SLC5A1: variants seen among roughly 807,000 people sequenced by gnomAD.
SLC5A1 encodes the protein sodium/glucose cotransporter 1.
A neutral mutation model predicts 73.5 loss-of-function variants in SLC5A1; 42 were observed. That is an observed-to-expected ratio of 0.57 (90% CI 0.45 to 0.74). The LOEUF is 0.74. Among genes scored for constraint, SLC5A1 ranks in the 30% least tolerant of loss-of-function variants. The probability of loss-of-function intolerance (pLI) is 0.00; values close to 1 mark genes in which losing one functional copy is unlikely to be tolerated. For synonymous variants in SLC5A1, 300 were observed against 317.4 expected (o/e 0.95, Z 0.58); for missense variants, 634 against 855.4 (o/e 0.74, Z 3.23).
At chr22:32,084,387 T>A in intron 7 of SLC5A1, 52 bp from the exon 8 acceptor site, 1 of 1,504,924 alleles carries the variant, frequency 6.6e-7, no homozygotes, top group Non-Finnish European at 9.2e-7. Context: ...AAGAAGCTGC[T>A]ATGACGAGTT....
chr22:32,084,374 G>A, intron 7 of SLC5A1, 65 bp from the exon 8 acceptor site: 1 of 1,434,686 alleles, frequency 7.0e-7, no homozygotes, highest in Non-Finnish European at 9.8e-7. Context: ...AGGCATCTAT[G>A]GAAAGAAGCT....
chr22:32,103,854 A>G (rs938078691), intron 13 of SLC5A1, among the ~76,000 whole-genome samples: 21 of 152,210 alleles, frequency 1.4e-4, no homozygotes, highest in Admixed American at 3.3e-4. Context: ...AGATGCCCCC[A>G]TTGGTTTAGA....
In SLC5A1 at chr22:32,064,664, A is replaced by G. The variant is rs73884269; in HGVS notation, c.208-2271A>G. 9.3e-3 allele frequency among the ~76,000 whole-genome samples: 1,412 copies of G among 152,150 alleles called. 26 individuals are homozygous for G. The highest frequency in any genetic ancestry group is 0.032 in the African/African-American group (1,323 of 41,502). ...GTTACCTTTGATTATTCTGTCCCAC[A>G]TTTCCCACATCTAACCTATCAACAG... is the stretch of plus-strand genomic sequence containing the variant. On this transcript the variant is annotated intron_variant, in intron 2 of 14. Transcript: ENST00000266088.
intron 1 of SLC5A1, among the ~76,000 whole-genome samples, chr22:32,047,214 T>A (rs1041466923): frequency 1.3e-5 from 2 of 152,104 alleles, no homozygotes; most frequent in Non-Finnish European, 2.9e-5. Flanking sequence ...GGATCTGGGC[T>A]TGCATAGATG....
At chr22:32,059,182 G>C in intron 2 of SLC5A1, 1 of 985,056 alleles carries the variant, frequency 1.0e-6, no homozygotes, top group Non-Finnish European at 1.2e-6. Flanking sequence ...AGTGAGCCGA[G>C]ATCATGCCAC....
At chr22:32,085,126 T>A in intron 9 of SLC5A1, 91 bp downstream of exon 9, 1 of 1,497,752 alleles carries the variant, frequency 6.7e-7, no homozygotes, top group Non-Finnish European at 9.3e-7. Flanking sequence ...TTCCTCCTCT[T>A]TTTTTTTGAG....
At chr22:32,070,024 T>C (rs940614451) in intron 5 of SLC5A1, among the ~76,000 whole-genome samples, 2 of 152,150 alleles carry the variant, frequency 1.3e-5, no homozygotes, top group Middle Eastern at 3.4e-3. Context: ...ATGTTTACTC[T>C]TTCTGAACCC....
chr22:32,078,146 CAT>C (rs1268344307), intron 5 of SLC5A1, among the ~76,000 whole-genome samples: 4 of 152,144 alleles, frequency 2.6e-5, no homozygotes, highest in African/African-American at 9.7e-5. Flanking sequence ...TAACTGTTGA[CAT>C]ATAATTTTTA....
intron 11 of SLC5A1, among the ~76,000 whole-genome samples, chr22:32,096,823 T>C (rs185068045): frequency 6.6e-6 from 1 of 152,218 alleles, no homozygotes; most frequent in East Asian, 1.9e-4. Flanking sequence ...TCCCAGTGAG[T>C]GCAGGAGGGG....
intron 5 of SLC5A1, among the ~76,000 whole-genome samples, chr22:32,072,542 C>T (rs1177815065): frequency 6.6e-6 from 1 of 152,162 alleles, no homozygotes; most frequent in Non-Finnish European, 1.5e-5. Flanking sequence ...TCTCAGATCC[C>T]ATGTGATTTC....
chr22:32,104,905 C>G lies in SLC5A1; in HGVS notation c.1771+14C>G, dbSNP rs201702584. ...CCATTGAAATAGGTGACTTATGACC[C>G]AGAGCAGATCCTAAACCATAAAAGT... On this transcript the variant is annotated intron_variant, in intron 14 of 14. Coordinates refer to ENST00000266088, the MANE Select transcript of SLC5A1 (RefSeq NM_000343.4). 10 of 1,553,144 alleles carry G rather than the reference C, an allele frequency of 6.4e-6. No homozygotes were observed. The highest frequency in any genetic ancestry group is 3.3e-5 in the Admixed American group (2 of 59,916).
intron 2 of SLC5A1, among the ~76,000 whole-genome samples, chr22:32,058,969 G>A (rs1312697807): frequency 1.3e-5 from 2 of 152,174 alleles, no homozygotes; most frequent in African/African-American, 4.8e-5. Flanking sequence ...TCAGACATTT[G>A]GTTGCTATGG....
At chr22:32,105,030 T>C in intron 14 of SLC5A1, 139 bp downstream of exon 14, 3 of 715,314 alleles carry the variant, frequency 4.2e-6, no homozygotes, top group Non-Finnish European at 7.5e-6. Flanking sequence ...AGGGTGGGGA[T>C]GAGATGGATA....
At chr22:32,066,294 A>G (rs1318855350) in intron 2 of SLC5A1, among the ~76,000 whole-genome samples, 1 of 152,114 alleles carries the variant, frequency 6.6e-6, no homozygotes, top group East Asian at 1.9e-4. Context: ...GGTCCCTAGA[A>G]CCTTTGTAAA....
At chr22:32,060,176 CACACACACACATAT>C (rs2093959798) in intron 2 of SLC5A1, among the ~76,000 whole-genome samples, 3 of 105,710 alleles carry the variant, frequency 2.8e-5, no homozygotes, top group African/African-American at 3.1e-5. Flanking sequence ...CACACACACA[CACACACACACATAT>C]ATATATATAT....
At chr22:32,088,450 C>G (rs535310487) in intron 10 of SLC5A1, among the ~76,000 whole-genome samples, 237 of 151,790 alleles carry the variant, frequency 1.6e-3, no homozygotes, top group African/African-American at 4.9e-3. Flanking sequence ...AATTCTCCTG[C>G]CTTAGCCTCT....
chr22:32,095,713 C>A (rs1297583684), intron 11 of SLC5A1, among the ~76,000 whole-genome samples: 1 of 152,124 alleles, frequency 6.6e-6, no homozygotes, highest in Non-Finnish European at 1.5e-5. Flanking sequence ...ATGTCTTTTT[C>A]CACCCTTTTA....
At chr22:32,095,750 G>A (rs754759057) in intron 11 of SLC5A1, among the ~76,000 whole-genome samples, 20 of 152,186 alleles carry the variant, frequency 1.3e-4, no homozygotes, top group Non-Finnish European at 5.9e-5. Flanking sequence ...GTCCTTATGT[G>A]TTAGGTGAGT....
At chr22:32,045,994 T>C (rs993126090) in intron 1 of SLC5A1, among the ~76,000 whole-genome samples, 8 of 152,210 alleles carry the variant, frequency 5.3e-5, no homozygotes, top group East Asian at 1.9e-4. Flanking sequence ...AGAGACCCTG[T>C]ATATTCCACA....
Sources: gnomAD v4.1 joint callset for allele counts (sites outside exome capture counted in the v4.1 genomes callset) on GRCh38, gnomAD v4.1.1 for gene constraint, MANE v1.5 for transcripts, NCBI Gene and HGNC (gene_info 2026-07-23, HGNC 2026-07-21) for gene names.